The following CNOT4 variants were observed in gnomAD, a reference collection of about 807,000 sequenced individuals.
CNOT4 encodes the protein CCR4-associated factor 4.
In CNOT4, 8 loss-of-function variants were observed where a neutral mutation model predicts 73.8. The ratio of observed to expected loss-of-function variants is 0.11; its 90% CI spans 0.06 to 0.20. The LOEUF is 0.20. Among genes scored for constraint, CNOT4 ranks in the 10% least tolerant of loss-of-function variants. The pLI is 1.00. For synonymous variants in CNOT4, 293 were observed against 321.1 expected (o/e 0.91, Z 0.94); for missense variants, 564 against 883.4 (o/e 0.64, Z 4.58).
rs769727411 is a variant in CNOT4 at position 135,413,543 on chromosome 7, A to G, written c.632T>C (p.Met211Thr). Residue 211 changes from methionine to threonine, a missense_variant, in exon 6 of 12, where the codon ATG (methionine) becomes ACG (threonine). Physicochemically the swap from Met to Thr is moderately conservative, Grantham distance 81. Around this residue, in one of 10 missense-constraint regions of CNOT4, gnomAD observed 14 missense variants for 69.5 expected, o/e 0.20. Transcript: ENST00000541284. ...CTCATCCCCCAATTCATGAAGATAC[A>G]TGCAGTCAGGTTTTGGACACTGCAT... ...KNMQCPKPDC[M>T]YLHELGDEAA... 1 of 1,612,038 alleles carries G rather than the reference A, an allele frequency of 6.2e-7. No homozygotes were observed. Among genetic ancestry groups the G allele is most frequent in the Non-Finnish European group, 8.5e-7 (1 of 1,178,524 alleles).
chr7:135,387,998 A>T, intron 10 of CNOT4: 1 of 984,120 alleles, frequency 1.0e-6, no homozygotes, highest in Non-Finnish European at 1.2e-6. Context: ...TAACAATGTT[A>T]CACTACTATG....
At chr7:135,384,918 CA>C (rs1174349817) in intron 10 of CNOT4, among the ~76,000 whole-genome samples, 1 of 152,218 alleles carries the variant, frequency 6.6e-6, no homozygotes, top group Admixed American at 6.5e-5. Flanking sequence ...GATGGGCTTC[CA>C]TTCTGTACTT....
chr7:135,457,370 G>A (rs1286897946), intron 1 of CNOT4, among the ~76,000 whole-genome samples: 18 of 151,926 alleles, frequency 1.2e-4, no homozygotes. Flanking sequence ...TTATGATTTG[G>A]CTAAGTCAAA....
intron 1 of CNOT4, among the ~76,000 whole-genome samples, chr7:135,488,662 T>C (rs962918665): frequency 6.6e-6 from 1 of 152,232 alleles, no homozygotes; most frequent in Non-Finnish European, 1.5e-5. Flanking sequence ...AAAATCTCTT[T>C]CCTCGTATGT....
At chr7:135,365,932 G>A (rs1172457576) in intron 10 of CNOT4, among the ~76,000 whole-genome samples, 4 of 152,154 alleles carry the variant, frequency 2.6e-5, no homozygotes, top group Non-Finnish European at 5.9e-5. Context: ...TAAGGTTTAC[G>A]GCTATGGTAC....
rs1000001496 is a variant in CNOT4 at position 135,363,731 on chromosome 7, C to T, written c.1840+123G>A. ...GCATGACCCCTGAGAACGAAACAAG[C>T]CACTCCACACTTGCGGCTTTGTGAA... On this transcript the variant is annotated intron_variant, in intron 11 of 11. Transcript: ENST00000541284. The surrounding 1 kb of genome is among the most constrained non-coding windows in gnomAD (Gnocchi z 4.3). The T allele has an allele frequency of 1.1e-5, 8 of 750,390 alleles. No individual in the cohort carries two copies. The highest frequency in any genetic ancestry group is 1.7e-5 in the Non-Finnish European group (8 of 472,156). 46.5% of individuals were successfully genotyped at this position (750,390 alleles called of 1,614,324 possible). A position where few individuals can be genotyped will look rare whatever the true frequency, so the allele number is the denominator to read the frequency against.
intron 1 of CNOT4, among the ~76,000 whole-genome samples, chr7:135,500,948 C>T (rs563052781): frequency 1.7e-4 from 25 of 150,570 alleles, no homozygotes; most frequent in African/African-American, 6.1e-4. Flanking sequence ...TCTTTAAAAT[C>T]ATTCAGAAAC....
At chr7:135,471,528 C>A (rs1233546764) in intron 1 of CNOT4, among the ~76,000 whole-genome samples, 1 of 152,042 alleles carries the variant, frequency 6.6e-6, no homozygotes, top group South Asian at 2.1e-4. Context: ...TTAAAGAAAT[C>A]TGATAAAATT....
In CNOT4 at chr7:135,465,576, C is replaced by T. The variant is rs373407414; in HGVS notation, c.-92-27153G>A. Among the ~76,000 whole-genome samples the T allele has an allele frequency of 2.0e-5, 3 of 152,116 alleles. No individual in the cohort carries two copies. The East Asian group carries it at 5.8e-4, about 29-fold the overall frequency. On this transcript the variant is annotated intron_variant, in intron 1 of 11. Transcript: ENST00000541284. ...AAAAAGTTAACCGGAAAAGCAGCCT[C>T]AGGCGGGTCCTTAAGAAAATATTCC... is the stretch of plus-strand genomic sequence containing the variant.
intron 1 of CNOT4, among the ~76,000 whole-genome samples, chr7:135,455,615 C>T (rs1800477911): frequency 6.6e-6 from 1 of 151,874 alleles, no homozygotes; most frequent in Non-Finnish European, 1.5e-5. Flanking sequence ...TGGCTCATGC[C>T]TGTAATCCCA....
chr7:135,473,232 T>C (rs79744825), intron 1 of CNOT4, among the ~76,000 whole-genome samples: 2,214 of 152,292 alleles, frequency 0.015, 19 homozygotes, highest in Non-Finnish European at 0.023. Flanking sequence ...CCTTATTTTC[T>C]AATAAATGAA....
chr7:135,428,741 G>A (rs909560197), intron 2 of CNOT4, among the ~76,000 whole-genome samples: 1 of 152,082 alleles, frequency 6.6e-6, no homozygotes, highest in African/African-American at 2.4e-5. Flanking sequence ...TATTTAATCA[G>A]AGTCACAGAG....
intron 10 of CNOT4, among the ~76,000 whole-genome samples, chr7:135,375,372 T>A (rs1334156459): frequency 6.6e-6 from 1 of 152,172 alleles, no homozygotes; most frequent in East Asian, 1.9e-4. Context: ...AGAAGTTCAA[T>A]TGGTAAAAGA....
intron 10 of CNOT4, among the ~76,000 whole-genome samples, chr7:135,382,248 T>C (rs1172905244): frequency 6.6e-6 from 1 of 152,166 alleles, no homozygotes; most frequent in African/African-American, 2.4e-5. Flanking sequence ...ATCTTCTTAA[T>C]GCATCTCAAA....
At chr7:135,495,209 T>C (rs1803386696) in intron 1 of CNOT4, among the ~76,000 whole-genome samples, 1 of 151,890 alleles carries the variant, frequency 6.6e-6, no homozygotes, top group Non-Finnish European at 1.5e-5. Context: ...ATGGCAAAAC[T>C]CCATCTCCAC....
intron 7 of CNOT4, among the ~76,000 whole-genome samples, chr7:135,409,129 A>T (rs1797458136): frequency 6.6e-6 from 1 of 152,198 alleles, no homozygotes; most frequent in Non-Finnish European, 1.5e-5. Context: ...GATGTGCATA[A>T]ATGTTAAAAG....
chr7:135,406,496 C>T (rs1460210426), intron 7 of CNOT4, among the ~76,000 whole-genome samples: 1 of 149,610 alleles, frequency 6.7e-6, no homozygotes, highest in Non-Finnish European at 1.5e-5. Flanking sequence ...GCCATCTCTA[C>T]AAAAAAAAAG....
intron 1 of CNOT4, among the ~76,000 whole-genome samples, chr7:135,502,744 A>G (rs1357073353): frequency 7.0e-6 from 1 of 142,794 alleles, no homozygotes; most frequent in Non-Finnish European, 1.5e-5. Flanking sequence ...TGAACCCGGG[A>G]GGTGGAGGTT....
intron 1 of CNOT4, among the ~76,000 whole-genome samples, chr7:135,479,927 A>G (rs898920842): frequency 6.6e-6 from 1 of 152,120 alleles, no homozygotes; most frequent in African/African-American, 2.4e-5. Context: ...TTGAGAGTTT[A>G]TGTATTTTAT....
Sources: gnomAD v4.1 joint callset for allele counts (sites outside exome capture counted in the v4.1 genomes callset) on GRCh38, gnomAD v4.1.1 for gene constraint, gnomAD v4.1.1 regional missense constraint, Gnocchi (gnomAD v3.1) non-coding constraint, MANE v1.5 for transcripts, NCBI Gene and HGNC (gene_info 2026-07-23, HGNC 2026-07-21) for gene names.